JDP2: variants seen among roughly 807,000 people sequenced by gnomAD.
JDP2 encodes progesterone receptor co-activator.
Under a neutral mutation model 17.1 loss-of-function variants are expected in JDP2, and 9 were observed. The ratio of observed to expected loss-of-function variants is 0.53; its 90% CI spans 0.32 to 0.92. The LOEUF is 0.92. JDP2 is among the 40% of genes least tolerant of loss of function. JDP2 has a pLI of 0.04. For synonymous variants in JDP2, 107 were observed against 95.6 expected, an observed-to-expected ratio of 1.12 and a Z score of -0.69; for missense variants, 179 against 220.0, an observed-to-expected ratio of 0.81 and a Z score of 1.18.
At chr14:75,465,227 G>A (rs969139389) in intron 3 of JDP2, among the ~76,000 whole-genome samples, 6 of 152,084 alleles carry the variant, frequency 3.9e-5, no homozygotes. Context: ...GGCTCAAAGG[G>A]GCATATCAGG....
At chr14:75,457,655 G>C (rs571281920) in intron 2 of JDP2, among the ~76,000 whole-genome samples, 1 of 152,228 alleles carries the variant, frequency 6.6e-6, no homozygotes. Flanking sequence ...TTGGAAGCTG[G>C]TGGTGGCTGT....
chr14:75,437,530 A>T (rs968551423), intron 1 of JDP2, among the ~76,000 whole-genome samples: 8 of 152,236 alleles, frequency 5.3e-5, no homozygotes, highest in Admixed American at 4.6e-4. Flanking sequence ...GCGAATTATC[A>T]TTCTAAGCTT....
chr14:75,450,058 C>T (rs1258660992), intron 2 of JDP2, among the ~76,000 whole-genome samples: 1 of 152,152 alleles, frequency 6.6e-6, no homozygotes, highest in Non-Finnish European at 1.5e-5. Flanking sequence ...TTGGGGTTCT[C>T]TTAATGCAAA....
rs143169859 is a variant in JDP2 at position 75,461,318 on chromosome 14, C to T, written c.202-108C>T. On this transcript the variant is annotated intron_variant, in intron 2 of 3. Transcript: ENST00000651602. The stretch of plus-strand genomic sequence containing the variant: ...GCAGAAGTGATCACTTGTTCACTGC[C>T]GAGATGTGGGTTAGAAAGGCGAAGT... 80 of 769,456 alleles carry T rather than the reference C, an allele frequency of 1.0e-4. No individual in the cohort carries two copies. The East Asian group carries it at 1.8e-3, about 18-fold the overall frequency. The allele number at this position is 769,456 out of a possible 1,614,324, so 47.7% of individuals were successfully genotyped here. A position where few individuals can be genotyped will look rare whatever the true frequency, so the allele number is the denominator to read the frequency against.
intron 2 of JDP2, among the ~76,000 whole-genome samples, chr14:75,461,205 G>A (rs937082614): frequency 4.6e-5 from 7 of 152,188 alleles, no homozygotes; most frequent in Admixed American, 2.0e-4. Flanking sequence ...ATCCCTGCCC[G>A]TTTGGGCTAC....
At chr14:75,445,042 G>T in intron 2 of JDP2, 1 of 935,400 alleles carries the variant, frequency 1.1e-6, no homozygotes, top group Non-Finnish European at 1.3e-6. Flanking sequence ...CTTAAGAAGG[G>T]CTGTCAAGTC....
rs573386031 is a variant in JDP2, at chr14:75,428,864, G to A, written c.-24+612G>A. On this transcript the variant is annotated intron_variant, in intron 1 of 3. Transcript: ENST00000651602. The surrounding 1 kb of genome is among the most constrained non-coding windows in gnomAD (Gnocchi z 5.6). ...GCTCTGGGCTGGGAGGGGATCTAGG[G>A]GTGGCCGGGGTCCCCTTTGGGCTCT... Among the ~76,000 whole-genome samples the A allele has an allele frequency of 6.6e-6, 1 of 152,146 alleles. No individual in the cohort carries two copies. Among genetic ancestry groups the A allele is most frequent in the African/African-American group, 2.4e-5 (1 of 41,424 alleles).
Position 75,461,415 on chromosome 14 carries a change from T to G in JDP2, c.202-11T>G, listed in dbSNP as rs555814675. On this transcript the variant is annotated splice_polypyrimidine_tract_variant and intron_variant, in intron 2 of 3. Transcript: ENST00000651602. ...CCTCAGTGTCTAATCAGTGGCTCTG[T>G]GCCCTCACAGCTAGATGAGGAAGAG... The G allele has an allele frequency of 2.6e-5, 42 of 1,588,690 alleles. No individual in the cohort carries two copies. The South Asian group carries it at 4.0e-4, about 15-fold the overall frequency.
intron 2 of JDP2, among the ~76,000 whole-genome samples, chr14:75,461,064 A>T (rs61978936): frequency 0.052 from 7,873 of 152,300 alleles, 321 homozygotes; most frequent in Admixed American, 0.099. Flanking sequence ...CCCTTTTCTA[A>T]TAACAACATT....
chr14:75,451,936 C>T (rs930471040), intron 2 of JDP2, among the ~76,000 whole-genome samples: 21 of 152,076 alleles, frequency 1.4e-4, no homozygotes, highest in Admixed American at 2.6e-4. Flanking sequence ...TTCTTTTTTT[C>T]GAGACAGAGT....
intron 2 of JDP2, among the ~76,000 whole-genome samples, chr14:75,452,657 T>A (rs2139977960): frequency 6.6e-6 from 1 of 152,322 alleles, no homozygotes; most frequent in African/African-American, 2.4e-5. Context: ...AAATTTATAT[T>A]TTCTTGAAAA....
chr14:75,470,392 A>G lies in JDP2; in HGVS notation c.*917A>G, dbSNP rs1262547743. ...CAGGGCGGGGGCGGGGTGCATTTCC[A>G]TCCTTGTAAACCCTTCATAGTACTC... On this transcript the variant is annotated 3_prime_UTR_variant, in exon 4 of 4. Coordinates refer to ENST00000651602, the MANE Select transcript of JDP2 (RefSeq NM_001135048.2). 6.6e-6 allele frequency: 1 copy of G among 152,428 alleles called. No individual in the cohort carries two copies. Among genetic ancestry groups the G allele is most frequent in the Non-Finnish European group, 1.5e-5 (1 of 68,070 alleles). 9.4% of individuals were successfully genotyped at this position (152,428 alleles called of 1,614,324 possible).
At position 75,469,433 on chromosome 14, in the gene JDP2, G is replaced by A; in HGVS notation, c.450G>A (p.Glu150=). Reference sequence around the variant, plus strand: ...GGACCGACAGTGTCAAGACCCCCGAGTCAGAAGGCAACCCACTGCTCGAGC... The same window carrying A: ...GGACCGACAGTGTCAAGACCCCCGAATCAGAAGGCAACCCACTGCTCGAGC... ...IVRTDSVKTP[E]SEGNPLLEQL... is the part of the protein sequence containing the mutation. Residue 150 remains glutamate (E), a synonymous_variant, in exon 4 of 4, where the codon GAG becomes GAA. Transcript: ENST00000651602. The A allele has an allele frequency of 6.2e-7, 1 of 1,614,104 alleles. No homozygotes were observed. Among genetic ancestry groups the A allele is most frequent in the African/African-American group, 1.3e-5 (1 of 75,040 alleles).
intron 2 of JDP2, among the ~76,000 whole-genome samples, chr14:75,438,327 C>T (rs77221109): frequency 0.057 from 8,735 of 152,078 alleles, 542 homozygotes; most frequent in African/African-American, 0.15. Flanking sequence ...GATTCGTGGA[C>T]GTATTAACAC....
intron 2 of JDP2, among the ~76,000 whole-genome samples, chr14:75,453,902 G>A (rs1885983433): frequency 6.6e-6 from 1 of 152,180 alleles, no homozygotes; most frequent in Admixed American, 6.5e-5. Flanking sequence ...TTTCTTTTGT[G>A]TCCATTTTTG....
intron 1 of JDP2, among the ~76,000 whole-genome samples, chr14:75,435,848 G>A (rs1594946740): frequency 6.6e-6 from 1 of 152,210 alleles, no homozygotes; most frequent in South Asian, 2.1e-4. Context: ...GGCACAGTAG[G>A]TAGAGCACAG....
At chr14:75,447,660 A>G (rs1158963132) in intron 2 of JDP2, among the ~76,000 whole-genome samples, 2 of 151,930 alleles carry the variant, frequency 1.3e-5, no homozygotes, top group Non-Finnish European at 2.9e-5. Flanking sequence ...TTATCTGTCT[A>G]TGTTTTTTAT....
At chr14:75,437,825 A>G in intron 1 of JDP2, 73 bp from the exon 2 acceptor site, 1 of 1,046,026 alleles carries the variant, frequency 9.6e-7, no homozygotes, top group Non-Finnish European at 1.4e-6. Context: ...CAGTCCTGGC[A>G]AGACGAGGGA....
chr14:75,447,948 T>C (rs948878284), intron 2 of JDP2, among the ~76,000 whole-genome samples: 1 of 152,146 alleles, frequency 6.6e-6, no homozygotes, highest in African/African-American at 2.4e-5. Context: ...CGTGAGCCAC[T>C]GTGCCCGGCT....
Sources: gnomAD v4.1 joint callset for allele counts (sites outside exome capture counted in the v4.1 genomes callset) on GRCh38, gnomAD v4.1.1 for gene constraint, Gnocchi (gnomAD v3.1) non-coding constraint, MANE v1.5 for transcripts, NCBI Gene and HGNC (gene_info 2026-07-23, HGNC 2026-07-21) for gene names.